The following NPLOC4 variants were observed in gnomAD, a reference collection of about 807,000 sequenced individuals.
NPLOC4 encodes the protein nuclear protein localization protein 4 homolog.
In NPLOC4, 18 loss-of-function variants were observed where a neutral mutation model predicts 80.6. The ratio of observed to expected loss-of-function variants is 0.22; its 90% CI spans 0.15 to 0.33. The LOEUF is 0.33. Among genes scored for constraint, NPLOC4 ranks in the 10% least tolerant of loss-of-function variants. The pLI, the probability that NPLOC4 is intolerant of heterozygous loss-of-function variation, is 1.00. For missense variants in NPLOC4, 540 were observed against 786.1 expected (o/e 0.69, Z 3.74); for synonymous variants, 313 against 301.5 (o/e 1.04, Z -0.39).
Position 81,606,781 on chromosome 17 carries a change from G to A in NPLOC4, c.564C>T (p.Cys188=). The A allele has an allele frequency of 6.2e-7, 1 of 1,613,592 alleles. No homozygotes were observed. Among genetic ancestry groups the A allele is most frequent in the Non-Finnish European group, 8.5e-7 (1 of 1,179,732 alleles). The change falls in exon 7 of 17, where the codon TGC becomes TGT. Residue 188 remains cysteine, a synonymous_variant. Transcript: ENST00000331134. The part of the protein sequence containing the change: ...GKFVALENIS[C]KIKSGCEGHL... ...GCCCCTCGCACCCTGACTTAATCTT[G>A]CAGCTGATGTTCTCCAGGGCAACAA...
At chr17:81,629,056 T>C (rs1255490316) in intron 2 of NPLOC4, among the ~76,000 whole-genome samples, 2 of 152,102 alleles carry the variant, frequency 1.3e-5, no homozygotes, top group East Asian at 3.9e-4. Context: ...TTTTTTGTAT[T>C]TTTACTAGAG....
chr17:81,630,291 T>A lies in NPLOC4; in HGVS notation c.16-486A>T, dbSNP rs148595272. Among the ~76,000 whole-genome samples the A allele has an allele frequency of 5.5e-3, 831 of 150,148 alleles. 10 individuals are homozygous for A. Among genetic ancestry groups the A allele is most frequent in the African/African-American group, 0.019 (780 of 41,146 alleles). Reference sequence around the variant, plus strand: ...TCACAGGAAATTTTCTAATTGTTACTTTTTTTTTGCTTTTTTGAGACAGGG... The same window carrying A: ...TCACAGGAAATTTTCTAATTGTTACATTTTTTTTGCTTTTTTGAGACAGGG... On this transcript the variant is annotated intron_variant, in intron 1 of 16. Coordinates refer to ENST00000331134, the MANE Select transcript of NPLOC4 (RefSeq NM_017921.4).
At chr17:81,571,510 G>A (rs1048448593) in intron 13 of NPLOC4, among the ~76,000 whole-genome samples, 2 of 152,202 alleles carry the variant, frequency 1.3e-5, no homozygotes, top group Non-Finnish European at 2.9e-5. Flanking sequence ...TGAGTTACAG[G>A]TGTGTCCCCT....
intron 12 of NPLOC4, among the ~76,000 whole-genome samples, chr17:81,574,876 A>AC (rs2034252883): frequency 4.7e-5 from 7 of 149,030 alleles, no homozygotes; most frequent in Non-Finnish European, 8.9e-5. Context: ...CAAACAAACA[A>AC]ACACACACAC....
chr17:81,617,366 C>A (rs1411136078), intron 3 of NPLOC4, among the ~76,000 whole-genome samples: 2 of 152,104 alleles, frequency 1.3e-5, no homozygotes, highest in Non-Finnish European at 2.9e-5. Flanking sequence ...TGGACAAAGA[C>A]CCTGTCTCTA....
At chr17:81,621,112 AGAAG>A (rs200147658) in intron 3 of NPLOC4, among the ~76,000 whole-genome samples, 1,959 of 152,018 alleles carry the variant, frequency 0.013, 60 homozygotes, top group African/African-American at 0.045. Context: ...AGAAAAGGAA[AGAAG>A]GAAGGAAGGA....
chr17:81,584,178 G>A (rs1384540661), intron 12 of NPLOC4, among the ~76,000 whole-genome samples: 1 of 152,228 alleles, frequency 6.6e-6, no homozygotes, highest in African/African-American at 2.4e-5. Context: ...CTAAAAGGAT[G>A]ACTTCAATGT....
intron 1 of NPLOC4, among the ~76,000 whole-genome samples, chr17:81,631,447 T>A (rs796639761): frequency 0.44 from 41,130 of 93,502 alleles, 7,572 homozygotes; most frequent in East Asian, 0.69. Context: ...TTTTTTTTTT[T>A]TTTTTTTTTT....
At chr17:81,569,871 A>G (rs1295539307) in intron 13 of NPLOC4, among the ~76,000 whole-genome samples, 1 of 152,226 alleles carries the variant, frequency 6.6e-6, no homozygotes, top group Non-Finnish European at 1.5e-5. Flanking sequence ...ATCAATAGAA[A>G]TACCACTTTT....
At position 81,606,687 on chromosome 17, in the gene NPLOC4, T is replaced by A. The variant is rs1417595941; in HGVS notation, c.654+4A>T. Reference sequence around the variant, plus strand: ...CAAATCTAGACAGACAGGGAACATCTCACCTGTCTGTTCAGCGTGATGGCG... The same window carrying A: ...CAAATCTAGACAGACAGGGAACATCACACCTGTCTGTTCAGCGTGATGGCG... On this transcript the variant is annotated splice_donor_region_variant and intron_variant, in intron 7 of 16. Coordinates refer to ENST00000331134, the MANE Select transcript of NPLOC4 (RefSeq NM_017921.4). The A allele has an allele frequency of 6.2e-7, 1 of 1,610,856 alleles. No homozygotes were observed. Among genetic ancestry groups the A allele is most frequent in the South Asian group, 1.1e-5 (1 of 90,572 alleles).
intron 16 of NPLOC4, chr17:81,563,168 TGG>T (rs1491162634): frequency 0.12 from 17,813 of 151,400 alleles, 1,262 homozygotes; most frequent in Admixed American, 0.22. Context: ...CTACGCTTCC[TGG>T]GTCAAGTGAT....
At position 81,608,784 on chromosome 17, in the gene NPLOC4, G is replaced by C. The variant is rs762144983; in HGVS notation, c.474C>G (p.Pro158=). The C allele has an allele frequency of 2.5e-6, 4 of 1,591,594 alleles. No individual in the cohort carries two copies. Among genetic ancestry groups the C allele is most frequent in the Non-Finnish European group, 3.4e-6 (4 of 1,168,806 alleles). ...AGGCGTGGAAGGACATGTGCTTCAC[G>C]GGAGGCTCGAGATGGTTTAGATAGT... ...DEDYLNHLEP[P]VKHMSFHAYI... Residue 158 remains proline, a synonymous_variant, in exon 6 of 17, where the codon CCC becomes CCG. Transcript: ENST00000331134.
intron 2 of NPLOC4, among the ~76,000 whole-genome samples, chr17:81,624,404 G>A (rs1036188445): frequency 1.3e-5 from 2 of 152,068 alleles, no homozygotes; most frequent in African/African-American, 4.8e-5. Context: ...GGCGACAAGA[G>A]TGAAACTCCG....
intron 12 of NPLOC4, among the ~76,000 whole-genome samples, chr17:81,579,166 G>A (rs2034373695): frequency 6.6e-6 from 1 of 152,190 alleles, no homozygotes; most frequent in African/African-American, 2.4e-5. Context: ...TTAAGGTCAA[G>A]AGTTTGAGAC....
intron 8 of NPLOC4, 34 bp downstream of exon 8, chr17:81,604,514 A>C: frequency 1.3e-6 from 2 of 1,599,290 alleles, no homozygotes; most frequent in South Asian, 2.2e-5. Flanking sequence ...CTCCAAACAC[A>C]GAAACTCAGG....
chr17:81,558,468 T>TA lies in NPLOC4; in HGVS notation c.*790_*791insT, dbSNP rs903640782. 3 of 152,202 alleles carry TA rather than the reference T, an allele frequency of 2.0e-5. No homozygotes were observed. The highest frequency in any genetic ancestry group is 2.9e-5 in the Non-Finnish European group (2 of 68,048). The allele number at this position is 152,202 out of a possible 1,614,324, so 9.4% of individuals were successfully genotyped here. Reference sequence around the variant, plus strand: ...ACTGAGGTTTACTTCAAGGGAGAACTGACTGGTGCCCCCGTCCACACTCAT... The same window carrying TA: ...ACTGAGGTTTACTTCAAGGGAGAACTAGACTGGTGCCCCCGTCCACACTCAT... On this transcript the variant is annotated 3_prime_UTR_variant, in exon 17 of 17. Transcript: ENST00000331134.
intron 1 of NPLOC4, 84 bp from the exon 2 acceptor site, chr17:81,629,889 G>T: frequency 1.0e-6 from 1 of 992,058 alleles, no homozygotes; most frequent in Non-Finnish European, 1.6e-6. Flanking sequence ...TGGTCTTTTA[G>T]CATCTGGGTC....
chr17:81,613,541 G>A (rs1317208567), intron 3 of NPLOC4, 47 bp from the exon 4 acceptor site: 45 of 1,555,872 alleles, frequency 2.9e-5, no homozygotes, highest in Non-Finnish European at 3.8e-5. Flanking sequence ...TACCACCTGA[G>A]CTTCATGGAA....
intron 8 of NPLOC4, among the ~76,000 whole-genome samples, chr17:81,600,791 A>G (rs2035040620): frequency 6.6e-6 from 1 of 152,222 alleles, no homozygotes; most frequent in South Asian, 2.1e-4. Flanking sequence ...TTGGATAAGT[A>G]GCTTCACTCC....
Sources: gnomAD v4.1 joint callset for allele counts (sites outside exome capture counted in the v4.1 genomes callset) on GRCh38, gnomAD v4.1.1 for gene constraint, MANE v1.5 for transcripts, NCBI Gene and HGNC (gene_info 2026-07-23, HGNC 2026-07-21) for gene names.